MYH10: variants seen among roughly 807,000 people sequenced by gnomAD.
MYH10 encodes the protein myosin heavy chain 10.
In MYH10, 55 loss-of-function variants were observed where a neutral mutation model predicts 257.8. The ratio of observed to expected loss-of-function variants is 0.21; its 90% CI spans 0.17 to 0.27. The LOEUF (loss-of-function observed/expected upper bound fraction) is 0.27, where lower values mean the gene tolerates loss of function less well. Among genes scored for constraint, MYH10 ranks in the 10% least tolerant of loss-of-function variants. MYH10 has a pLI of 1.00. For missense variants in MYH10, 1,631 were observed against 2,500.6 expected (o/e 0.65, Z 7.42); for synonymous variants, 854 against 921.7 (o/e 0.93, Z 1.33).
At chr17:8,585,589 G>A (rs1008287743) in intron 4 of MYH10, among the ~76,000 whole-genome samples, 3 of 151,458 alleles carry the variant, frequency 2.0e-5, no homozygotes, top group Non-Finnish European at 4.4e-5. Flanking sequence ...TATTTTTCAG[G>A]GCACAATGTA....
chr17:8,602,009 T>C (rs2084625889), intron 3 of MYH10, among the ~76,000 whole-genome samples: 1 of 151,788 alleles, frequency 6.6e-6, no homozygotes, highest in Non-Finnish European at 1.5e-5. Context: ...GGAGTCTCGT[T>C]CTTTCGCCCA....
chr17:8,593,270 C>T (rs2084240143), intron 3 of MYH10, among the ~76,000 whole-genome samples: 1 of 151,896 alleles, frequency 6.6e-6, no homozygotes, highest in Non-Finnish European at 1.5e-5. Flanking sequence ...CCTCTAAGGT[C>T]AGGGACAAGG....
chr17:8,480,304 G>A lies in MYH10; in HGVS notation c.5403C>T (p.Asn1801=), dbSNP rs149073296. 78 of 1,614,056 alleles carry A rather than the reference G, an allele frequency of 4.8e-5. 1 individual carries two copies. The South Asian group carries it at 5.7e-4, about 12-fold the overall frequency. The change falls in exon 40 of 43, where the codon AAC becomes AAT. Residue 1801 remains asparagine (N), a synonymous_variant. Transcript: ENST00000360416. The stretch of plus-strand genomic sequence containing the variant: ...CGCTGCGCTCGGCTGCTAGCTCGGC[G>A]TTCAGTGTGTCCACCTAGAGAGGAG... ...RKTTLQVDTL[N]AELAAERSAA...
Position 8,574,001 on chromosome 17 carries a change from C to T in MYH10, c.663+2642G>A, listed in dbSNP as rs151045451. The T allele has an allele frequency of 5.4e-3, 951 of 177,180 alleles. 16 individuals are homozygous for T. Among genetic ancestry groups the T allele is most frequent in the African/African-American group, 0.02 (840 of 41,902 alleles). 11.0% of individuals were successfully genotyped at this position (177,180 alleles called of 1,614,324 possible). A position where few individuals can be genotyped will look rare whatever the true frequency, so the allele number is the denominator to read the frequency against. ...CTTTAAAAATGTTTAACAGAATTAC[C>T]GTATGACCCAGCAATTTTACCTCTA... On this transcript the variant is annotated intron_variant, in intron 6 of 42. Transcript: ENST00000360416.
At chr17:8,509,420 G>A (rs945165960) in intron 25 of MYH10, among the ~76,000 whole-genome samples, 2 of 152,156 alleles carry the variant, frequency 1.3e-5, no homozygotes, top group African/African-American at 2.4e-5. Flanking sequence ...ACACACGACT[G>A]TACTCCAAAA....
chr17:8,565,346 A>G (rs2083131174), intron 7 of MYH10, among the ~76,000 whole-genome samples: 1 of 152,186 alleles, frequency 6.6e-6, no homozygotes. Context: ...ACCAACACCA[A>G]TAGATAAATA....
At chr17:8,598,117 G>T (rs184193639) in intron 3 of MYH10, among the ~76,000 whole-genome samples, 1 of 152,284 alleles carries the variant, frequency 6.6e-6, no homozygotes, top group East Asian at 1.9e-4. Context: ...GAGTAGCTGG[G>T]ACTACAGTCG....
rs767426651 is a variant in MYH10 at position 8,504,002 on chromosome 17, C to T, written c.3599+692G>A. On this transcript the variant is annotated intron_variant, in intron 28 of 42. Coordinates refer to ENST00000360416, the MANE Select transcript of MYH10 (RefSeq NM_001256012.3). The surrounding 1 kb of genome is among the most constrained non-coding windows in gnomAD (Gnocchi z 5.6). The stretch of plus-strand genomic sequence containing the variant: ...TCCACAGTGATGACACCTATGAGTC[C>T]GTGGGAGCCGCAGGCCAGCACCTCC... Among the ~76,000 whole-genome samples the T allele has an allele frequency of 1.3e-5, 2 of 152,142 alleles. No individual in the cohort carries two copies. The highest frequency in any genetic ancestry group is 1.3e-4 in the Admixed American group (2 of 15,286).
intron 7 of MYH10, among the ~76,000 whole-genome samples, chr17:8,566,717 G>A (rs1189562015): frequency 2.0e-5 from 3 of 152,178 alleles, no homozygotes; most frequent in African/African-American, 7.2e-5. Context: ...TGAGATAATC[G>A]ATGCCTGAAG....
chr17:8,532,817 T>C lies in MYH10; in HGVS notation c.1895-2132A>G, dbSNP rs1235690635. Among the ~76,000 whole-genome samples the C allele has an allele frequency of 1.3e-5, 2 of 152,198 alleles. 1 individual carries two copies. The highest frequency in any genetic ancestry group is 4.1e-4 in the South Asian group (2 of 4,836). ...GCTTCCAGATCTAGCTCACAGATTATTGCCATGGGAAGCACATACTTAGGT... is the reference window on the plus strand; with the variant it reads ...GCTTCCAGATCTAGCTCACAGATTACTGCCATGGGAAGCACATACTTAGGT... On this transcript the variant is annotated intron_variant, in intron 16 of 42. Coordinates refer to ENST00000360416, the MANE Select transcript of MYH10 (RefSeq NM_001256012.3).
At chr17:8,493,611 C>G in intron 32 of MYH10, 122 bp downstream of exon 32, 1 of 1,174,148 alleles carries the variant, frequency 8.5e-7, no homozygotes, top group Non-Finnish European at 1.2e-6. Context: ...ATTTAATGGG[C>G]TTAATTTAGT....
rs1370996617 is a variant in MYH10, at chr17:8,506,280, C to T, written c.3386+38G>A. 1.3e-6 allele frequency: 2 copies of T among 1,533,236 alleles called. No homozygotes were observed. Among genetic ancestry groups the T allele is most frequent in the Non-Finnish European group, 1.7e-6 (2 of 1,149,448 alleles). The allele number at this position is 1,533,236 out of a possible 1,614,324, so 95.0% of individuals were successfully genotyped here. A position where few individuals can be genotyped will look rare whatever the true frequency, so the allele number is the denominator to read the frequency against. On this transcript the variant is annotated intron_variant, in intron 27 of 42. Coordinates refer to ENST00000360416, the MANE Select transcript of MYH10 (RefSeq NM_001256012.3). This position sits in a 1 kb window ranked among gnomAD's most constrained non-coding sequence, Gnocchi z 5.0. ...AACAAAGTCTGCTGAAACTCAGCCCCATGGGCTCCCGTGCAGCGCAGCTGC... is the reference window on the plus strand; with the variant it reads ...AACAAAGTCTGCTGAAACTCAGCCCTATGGGCTCCCGTGCAGCGCAGCTGC...
chr17:8,576,733 AG>A (rs1222936092), intron 5 of MYH10, 61 bp from the exon 6 acceptor site: 8 of 1,496,756 alleles, frequency 5.3e-6, no homozygotes, highest in Non-Finnish European at 7.3e-6. Flanking sequence ...CCTAGCAGTA[AG>A]CCATTTCCAA....
chr17:8,492,552 G>T, intron 33 of MYH10, 43 bp from the exon 34 acceptor site: 1 of 1,559,898 alleles, frequency 6.4e-7, no homozygotes, highest in South Asian at 1.2e-5. Flanking sequence ...CCGAAACAGT[G>T]ACATCAACTT....
Position 8,476,886 on chromosome 17 carries a change from T to G in MYH10, c.5869A>C (p.Asn1957His). 1 of 1,609,000 alleles carries G rather than the reference T, an allele frequency of 6.2e-7. No individual in the cohort carries two copies. Among genetic ancestry groups the G allele is most frequent in the Non-Finnish European group, 8.5e-7 (1 of 1,179,240 alleles). The change falls in exon 42 of 43, where the codon AAC becomes CAC. Residue 1957 changes from asparagine (N) to histidine (H), a missense_variant. Asn to His is a moderately conservative substitution (Grantham distance 68, BLOSUM62 1). Transcript: ENST00000360416. ...GLSREVSTLKNRLRRGGPISF... is the reference protein window; with the variant it reads ...GLSREVSTLKHRLRRGGPISF... ...CGCATGCCTGCTCACCTCAGCCGGT[T>G]CTTCAGGGTGCTGACCTCGCGGCTC...
At chr17:8,515,262 G>A (rs1306503161) in intron 21 of MYH10, among the ~76,000 whole-genome samples, 10 of 152,168 alleles carry the variant, frequency 6.6e-5, no homozygotes, top group Admixed American at 3.3e-4. Flanking sequence ...GAAAAAATAA[G>A]AAAAACATTT....
chr17:8,523,173 G>C (rs945968281), intron 17 of MYH10, among the ~76,000 whole-genome samples: 1 of 152,062 alleles, frequency 6.6e-6, no homozygotes, highest in Non-Finnish European at 1.5e-5. Context: ...TGACCACCCA[G>C]AGCCAGCTGC....
Position 8,515,531 on chromosome 17 carries a change from G to GTCT in MYH10, c.2505-1640_2505-1638dup, listed in dbSNP as rs1555581658. Among the ~76,000 whole-genome samples the GTCT allele has an allele frequency of 4.8e-4, 40 of 82,752 alleles. 1 individual carries two copies. Among genetic ancestry groups the GTCT allele is most frequent in the Admixed American group, 4.7e-3 (24 of 5,144 alleles). 54.3% of individuals were successfully genotyped at this position (82,752 alleles called of 152,430 possible). A position where few individuals can be genotyped will look rare whatever the true frequency, so the allele number is the denominator to read the frequency against. ...CTACCAGCCAAAAAGAATTAGCCAA[G>GTCT]TCTTTTTTTTTTTTTTTTTTTTTTT... On this transcript the variant is annotated intron_variant, in intron 21 of 42. Coordinates refer to ENST00000360416, the MANE Select transcript of MYH10 (RefSeq NM_001256012.3).
rs963190181 is a variant in MYH10, at chr17:8,506,056, A to T, written c.3386+262T>A. ...CCAAAACATTTGTTATAGTGAAATA[A>T]TTTGTTCTGGTGTGAATTTCCAAGG... On this transcript the variant is annotated intron_variant, in intron 27 of 42. Coordinates refer to ENST00000360416, the MANE Select transcript of MYH10 (RefSeq NM_001256012.3). The surrounding 1 kb of genome is among the most constrained non-coding windows in gnomAD (Gnocchi z 5.0). 2.6e-6 allele frequency: 1 copy of T among 390,274 alleles called. No homozygotes were observed. The highest frequency in any genetic ancestry group is 4.5e-6 in the Non-Finnish European group (1 of 223,520). 24.2% of individuals were successfully genotyped at this position (390,274 alleles called of 1,614,324 possible).
Sources: gnomAD v4.1 joint callset for allele counts (sites outside exome capture counted in the v4.1 genomes callset) on GRCh38, gnomAD v4.1.1 for gene constraint, Gnocchi (gnomAD v3.1) non-coding constraint, MANE v1.5 for transcripts, NCBI Gene and HGNC (gene_info 2026-07-23, HGNC 2026-07-21) for gene names.